Variants in F5 observed in about 807,000 individuals in gnomAD.
F5 encodes activated protein c cofactor.
In F5, 138 loss-of-function variants were observed where a neutral mutation model predicts 216.4. The observed-to-expected ratio is 0.64, with a 90% CI of 0.56 to 0.73. The LOEUF is 0.73. Ranked by LOEUF, F5 falls within the 30% of genes least tolerant of loss-of-function variation. The pLI is 0.00. For missense variants in F5, 2,403 were observed against 2,674.0 expected (o/e 0.90, Z 2.24); for synonymous variants, 916 against 930.7 (o/e 0.98, Z 0.29).
At chr1:169,521,634 T>G (rs12749055) in intron 21 of F5, among the ~76,000 whole-genome samples, 44,487 of 142,684 alleles carry the variant, frequency 0.31, 7,051 homozygotes, top group Non-Finnish European at 0.4. Context: ...TTTTTTTTTT[T>G]TTTTTGAGAC....
chr1:169,575,527 G>A (rs1450394916), intron 2 of F5, among the ~76,000 whole-genome samples: 1 of 152,152 alleles, frequency 6.6e-6, no homozygotes, highest in African/African-American at 2.4e-5. Context: ...ACTGAGCAGA[G>A]AACAATTGAG....
At chr1:169,524,641 G>C (rs116435207) in intron 19 of F5, among the ~76,000 whole-genome samples, 196 bp downstream of exon 19, 262 of 152,242 alleles carry the variant, frequency 1.7e-3, no homozygotes, top group African/African-American at 6.0e-3. Flanking sequence ...ACACTAACAG[G>C]CCTTTAGCTC....
chr1:169,571,782 T>C (rs1484809098), intron 3 of F5, among the ~76,000 whole-genome samples: 1 of 152,050 alleles, frequency 6.6e-6, no homozygotes, highest in Non-Finnish European at 1.5e-5. Flanking sequence ...GCCAAAAAAA[T>C]AGGTATCGTC....
chr1:169,546,101 T>C (rs867044245), intron 11 of F5, among the ~76,000 whole-genome samples: 2 of 152,208 alleles, frequency 1.3e-5, no homozygotes, highest in Middle Eastern at 6.8e-3. Context: ...CAGTCTAGGA[T>C]ACTATTGACA....
At chr1:169,540,186 C>T (rs1195835970) in intron 13 of F5, 108 bp downstream of exon 13, 15 of 1,223,298 alleles carry the variant, frequency 1.2e-5, no homozygotes, top group Non-Finnish European at 1.8e-5. Flanking sequence ...AGGGGAACCA[C>T]ACTGTTCTTA....
chr1:169,568,705 C>T (rs1571596480), intron 3 of F5, among the ~76,000 whole-genome samples: 1 of 152,022 alleles, frequency 6.6e-6, no homozygotes, highest in Admixed American at 6.6e-5. Context: ...CCTGCTCAGT[C>T]GATAGTCAGC....
At chr1:169,525,854 A>G (rs1347616126) in intron 18 of F5, 47 bp downstream of exon 18, 1 of 1,286,886 alleles carries the variant, frequency 7.8e-7, no homozygotes, top group Non-Finnish European at 1.1e-6. Flanking sequence ...TATTCTAGTA[A>G]TAGGCACTCT....
intron 23 of F5, among the ~76,000 whole-genome samples, chr1:169,515,971 A>C (rs1192067213): frequency 6.6e-6 from 1 of 152,186 alleles, no homozygotes; most frequent in Non-Finnish European, 1.5e-5. Flanking sequence ...ATGAATGAAT[A>C]AATGAGCTTT....
chr1:169,584,576 G>C (rs959371907), intron 1 of F5, among the ~76,000 whole-genome samples: 1 of 152,182 alleles, frequency 6.6e-6, no homozygotes, highest in Non-Finnish European at 1.5e-5. Flanking sequence ...GAAATAAGTA[G>C]ATAGATGTCT....
At chr1:169,527,876 T>A in intron 17 of F5, 39 bp downstream of exon 17, 1 of 1,608,774 alleles carries the variant, frequency 6.2e-7, no homozygotes, top group Non-Finnish European at 8.5e-7. Context: ...TTTCCCTGTA[T>A]TTCTTAGCAG....
chr1:169,515,440 C>T lies in F5; in HGVS notation c.6528+4G>A. 6.2e-7 allele frequency: 1 copy of T among 1,613,106 alleles called. No homozygotes were observed. The highest frequency in any genetic ancestry group is 8.5e-7 in the Non-Finnish European group (1 of 1,179,516). On this transcript the variant is annotated splice_donor_region_variant and intron_variant, in intron 24 of 24. Coordinates refer to ENST00000367797, the MANE Select transcript of F5 (RefSeq NM_000130.5). ...GCTTTCTCTTTGCCCAGATGCCACT[C>T]TACCTTGTCCACCATGGAGGATTTC...
At chr1:169,584,291 A>C (rs977922339) in intron 1 of F5, among the ~76,000 whole-genome samples, 3 of 152,246 alleles carry the variant, frequency 2.0e-5, no homozygotes, top group African/African-American at 7.2e-5. Context: ...TCTGATTAAA[A>C]AGTTACAGAT....
chr1:169,529,899 G>T (rs993598059), intron 15 of F5, 81 bp from the exon 16 acceptor site: 1 of 1,185,066 alleles, frequency 8.4e-7, no homozygotes, highest in Non-Finnish European at 1.2e-6. Context: ...ATATAGAAAA[G>T]GAAACTTTCT....
rs1447845456 is a variant in F5 at position 169,560,676 on chromosome 1, C to T, written c.464G>A (p.Ser155Asn). 1.9e-6 allele frequency: 3 copies of T among 1,613,800 alleles called. No homozygotes were observed. In the South Asian group the frequency reaches 3.3e-5, roughly 18 times the overall value. The change falls in exon 4 of 25, where the codon AGT becomes AAT. Residue 155 changes from serine to asparagine, a missense_variant. Physicochemically the swap from Ser to Asn is conservative, Grantham distance 46. Around this residue, in one of 4 missense-constraint regions of F5, gnomAD observed 1,425 missense variants for 1,554.8 expected, o/e 0.92. Coordinates refer to ENST00000367797, the MANE Select transcript of F5 (RefSeq NM_000130.5). ...GREYTYEWSI[S>N]EDSGPTHDDP... The stretch of plus-strand genomic sequence containing the variant: ...ATCATGGGTGGGTCCACTGTCCTCA[C>T]TGATACTCCATTCATAGGTGTATTC...
At position 169,558,120 on chromosome 1, in the gene F5, T is replaced by C. The variant is rs757037770; in HGVS notation, c.730+1033A>G. Among the ~76,000 whole-genome samples the C allele has an allele frequency of 2.4e-4, 37 of 152,282 alleles. 1 individual carries two copies. The highest frequency in any genetic ancestry group is 8.5e-4 in the Admixed American group (13 of 15,280). On this transcript the variant is annotated intron_variant, in intron 5 of 24. Transcript: ENST00000367797. ...ATTGTTCACTCTGCCAGGAAATAGATGTTAGGATAAATGGTTAGTCCACTT... is the reference window on the plus strand; with the variant it reads ...ATTGTTCACTCTGCCAGGAAATAGACGTTAGGATAAATGGTTAGTCCACTT...
At position 169,514,301 on chromosome 1, in the gene F5, G is replaced by A; in HGVS notation, c.*12C>T. 4 of 1,612,840 alleles carry A rather than the reference G, an allele frequency of 2.5e-6. No homozygotes were observed. Among genetic ancestry groups the A allele is most frequent in the Non-Finnish European group, 3.4e-6 (4 of 1,179,152 alleles). ...TAAAGAGTCTCTTCCAGGGGTTTTT[G>A]AATGTTCAATTCTAGTAAATATCAC... is the stretch of plus-strand genomic sequence containing the variant. On this transcript the variant is annotated 3_prime_UTR_variant, in exon 25 of 25. Coordinates refer to ENST00000367797, the MANE Select transcript of F5 (RefSeq NM_000130.5).
chr1:169,581,446 AT>A (rs56691085), intron 2 of F5, among the ~76,000 whole-genome samples: 5,433 of 147,834 alleles, frequency 0.037, 327 homozygotes, highest in African/African-American at 0.12. Flanking sequence ...TCAAGGGGAG[AT>A]TTTTTTTTTT....
At position 169,527,863 on chromosome 1, in the gene F5, C is replaced by T. The variant is rs112973215; in HGVS notation, c.5599+52G>A. ...AGAAATGAGAAGGAGTTACAGATTG[C>T]CTTTTCCCTGTATTTCTTAGCAGGG... On this transcript the variant is annotated intron_variant, in intron 17 of 24. Coordinates refer to ENST00000367797, the MANE Select transcript of F5 (RefSeq NM_000130.5). The T allele has an allele frequency of 2.1e-5, 33 of 1,601,332 alleles. No individual in the cohort carries two copies. In the South Asian group the frequency reaches 3.7e-4, roughly 18 times the overall value.
At chr1:169,522,308 T>C (rs1659328318) in intron 21 of F5, among the ~76,000 whole-genome samples, 1 of 152,180 alleles carries the variant, frequency 6.6e-6, no homozygotes. Context: ...GAAAAGAGCA[T>C]GCTTACCAGT....
Sources: gnomAD v4.1 joint callset for allele counts (sites outside exome capture counted in the v4.1 genomes callset) on GRCh38, gnomAD v4.1.1 for gene constraint, gnomAD v4.1.1 regional missense constraint, MANE v1.5 for transcripts, NCBI Gene and HGNC (gene_info 2026-07-23, HGNC 2026-07-21) for gene names.